Variants in PTPRA observed in about 807,000 individuals in gnomAD.
PTPRA encodes receptor-type tyrosine-protein phosphatase alpha.
A neutral mutation model predicts 104.8 loss-of-function variants in PTPRA; 25 were observed. That is an observed-to-expected ratio of 0.24 (90% CI 0.17 to 0.33). PTPRA has a LOEUF of 0.33. Among genes scored for constraint, PTPRA ranks in the 10% least tolerant of loss-of-function variants. The pLI is 1.00. For missense variants in PTPRA, 765 were observed against 1,015.3 expected (o/e 0.75, Z 3.35); for synonymous variants, 323 against 368.9 (o/e 0.88, Z 1.43).
At chr20:2,975,690 C>T (rs1454609929) in intron 6 of PTPRA, among the ~76,000 whole-genome samples, 1 of 152,054 alleles carries the variant, frequency 6.6e-6, no homozygotes, top group Non-Finnish European at 1.5e-5. Context: ...AATGTAAAGT[C>T]TCTATGGCCT....
chr20:2,895,364 G>A (rs530644125), intron 1 of PTPRA, among the ~76,000 whole-genome samples: 2 of 151,798 alleles, frequency 1.3e-5, no homozygotes, highest in African/African-American at 4.8e-5. Flanking sequence ...GATTACAGGT[G>A]TGAGCCACCA....
intron 1 of PTPRA, among the ~76,000 whole-genome samples, chr20:2,876,727 A>C (rs1398314298): frequency 1.3e-5 from 2 of 152,166 alleles, no homozygotes; most frequent in African/African-American, 4.8e-5. Flanking sequence ...ATATGTCTGC[A>C]TTTTTGATTT....
At chr20:2,909,840 T>A (rs1600097266) in intron 1 of PTPRA, among the ~76,000 whole-genome samples, 1 of 126,444 alleles carries the variant, frequency 7.9e-6, no homozygotes, top group South Asian at 2.4e-4. Flanking sequence ...ATAATATATA[T>A]AATATAAGAT....
chr20:3,008,909 C>CA (rs942762725), intron 11 of PTPRA, among the ~76,000 whole-genome samples: 32 of 145,332 alleles, frequency 2.2e-4, no homozygotes, highest in East Asian at 1.0e-3. Flanking sequence ...GAGACTGTCT[C>CA]AAAAAAAAAG....
At chr20:2,960,462 G>C (rs1435441613) in intron 3 of PTPRA, among the ~76,000 whole-genome samples, 1 of 152,012 alleles carries the variant, frequency 6.6e-6, no homozygotes, top group African/African-American at 2.4e-5. Context: ...TGTTAGCCAG[G>C]ATGGTCTCGA....
At chr20:3,021,479 G>A in intron 14 of PTPRA, 51 bp downstream of exon 14, 1 of 1,607,522 alleles carries the variant, frequency 6.2e-7, no homozygotes, top group Non-Finnish European at 8.5e-7. Context: ...CTGCTGACCA[G>A]TAAGAGGGAA....
intron 12 of PTPRA, among the ~76,000 whole-genome samples, chr20:3,017,421 T>G (rs1320729524): frequency 6.6e-6 from 1 of 152,186 alleles, no homozygotes. Context: ...ATCCAACCTT[T>G]CTGGGGCTGA....
intron 1 of PTPRA, among the ~76,000 whole-genome samples, chr20:2,890,347 T>C (rs1264118321): frequency 6.6e-6 from 1 of 152,198 alleles, no homozygotes; most frequent in Non-Finnish European, 1.5e-5. Flanking sequence ...CTGCCATGCT[T>C]TTTGTGAACT....
intron 5 of PTPRA, among the ~76,000 whole-genome samples, chr20:2,970,995 A>G (rs1160916768): frequency 6.6e-6 from 1 of 152,100 alleles, no homozygotes. Context: ...TTACCTCTTC[A>G]TATGTATTTG....
At chr20:2,911,464 A>G (rs1474386764) in intron 1 of PTPRA, among the ~76,000 whole-genome samples, 1 of 152,188 alleles carries the variant, frequency 6.6e-6, no homozygotes, top group East Asian at 1.9e-4. Context: ...GCATGCTGTC[A>G]TTCTTCTCTG....
intron 1 of PTPRA, among the ~76,000 whole-genome samples, chr20:2,897,840 C>G (rs73084684): frequency 0.15 from 23,451 of 151,444 alleles, 2,237 homozygotes; most frequent in South Asian, 0.3. Flanking sequence ...TCAAATTGTC[C>G]CAAATTTGGC....
At chr20:2,966,463 G>C (rs2061950671) in intron 5 of PTPRA, among the ~76,000 whole-genome samples, 1 of 152,210 alleles carries the variant, frequency 6.6e-6, no homozygotes, top group African/African-American at 2.4e-5. Flanking sequence ...TGAGCTGTTA[G>C]TATTGTTGTG....
upstream of PTPRA, among the ~76,000 whole-genome samples, chr20:2,872,015 GACTA>G (rs913737108): frequency 8.5e-5 from 13 of 152,252 alleles, no homozygotes; most frequent in South Asian, 2.1e-4. This position sits in a 1 kb window ranked among gnomAD's most constrained non-coding sequence, Gnocchi z 7.9. Flanking sequence ...GGTTAGCATG[GACTA>G]ACTTATTCCA....
intron 2 of PTPRA, among the ~76,000 whole-genome samples, chr20:2,926,673 T>C (rs1435249435): frequency 6.6e-6 from 1 of 151,776 alleles, no homozygotes; most frequent in East Asian, 1.9e-4. Flanking sequence ...CATAAAGTGA[T>C]TACATTTCTA....
intron 6 of PTPRA, 121 bp downstream of exon 6, chr20:2,975,362 C>A: frequency 1.2e-6 from 1 of 824,158 alleles, no homozygotes; most frequent in East Asian, 3.1e-5. Context: ...GTTTACTTTC[C>A]CTTAAGTTAT....
intron 1 of PTPRA, among the ~76,000 whole-genome samples, chr20:2,910,578 G>GTTTCTTT (rs1337126801): frequency 4.0e-4 from 13 of 32,428 alleles, no homozygotes; most frequent in Non-Finnish European, 5.2e-4. Context: ...TGCCCAGCTA[G>GTTTCTTT]TTTTTTTTTT....
intron 13 of PTPRA, among the ~76,000 whole-genome samples, chr20:3,020,560 G>C (rs1444064595): frequency 6.6e-6 from 1 of 152,232 alleles, no homozygotes; most frequent in Non-Finnish European, 1.5e-5. Flanking sequence ...AATCCTGGAG[G>C]CAGCCTCCTA....
At chr20:2,875,484 A>G (rs180987640) in intron 1 of PTPRA, among the ~76,000 whole-genome samples, 1 of 152,330 alleles carries the variant, frequency 6.6e-6, no homozygotes, top group East Asian at 1.9e-4. Context: ...CTCTGACTTC[A>G]GTACATTCAT....
At chr20:2,954,299 G>A (rs187716906) in intron 3 of PTPRA, among the ~76,000 whole-genome samples, 5 of 151,604 alleles carry the variant, frequency 3.3e-5, no homozygotes, top group Admixed American at 6.6e-5. Context: ...GGCTGGGCTC[G>A]AACTCCTGAC....
Sources: gnomAD v4.1 joint callset for allele counts (sites outside exome capture counted in the v4.1 genomes callset) on GRCh38, gnomAD v4.1.1 for gene constraint, Gnocchi (gnomAD v3.1) non-coding constraint, MANE v1.5 for transcripts, NCBI Gene and HGNC (gene_info 2026-07-23, HGNC 2026-07-21) for gene names.